Variants in PTPN14 observed in about 807,000 individuals in gnomAD.
PTPN14 encodes protein tyrosine phosphatase non-receptor type 14, also known as tyrosine-protein phosphatase non-receptor type 14.
In PTPN14, 53 loss-of-function variants were observed where a neutral mutation model predicts 126.8. That is an observed-to-expected ratio of 0.42 (90% confidence interval 0.34 to 0.53). PTPN14 has a LOEUF of 0.53. PTPN14 is among the 20% of genes least tolerant of loss of function. The pLI is 0.08. For synonymous variants in PTPN14, 630 were observed against 599.3 expected (o/e 1.05, Z -0.75); for missense variants, 1,257 against 1,552.9 (o/e 0.81, Z 3.20).
intron 1 of PTPN14, among the ~76,000 whole-genome samples, chr1:214,506,756 C>A (rs962187699): frequency 6.6e-6 from 1 of 151,998 alleles, no homozygotes; most frequent in East Asian, 1.9e-4. Context: ...ACAAAACAGC[C>A]CCTGTGAGGG....
chr1:214,512,943 C>T (rs1054461627), intron 1 of PTPN14, among the ~76,000 whole-genome samples: 7 of 152,124 alleles, frequency 4.6e-5, no homozygotes, highest in African/African-American at 1.7e-4. Flanking sequence ...CTGCCCGCCT[C>T]AGCCTCCCAA....
intron 1 of PTPN14, among the ~76,000 whole-genome samples, chr1:214,524,464 C>CA (rs965193234): frequency 6.6e-6 from 1 of 151,330 alleles, no homozygotes; most frequent in Non-Finnish European, 1.5e-5. Flanking sequence ...CCAGCCTGGG[C>CA]AAAAAAACAA....
intron 1 of PTPN14, chr1:214,532,332 T>C: frequency 1.8e-6 from 1 of 540,864 alleles, no homozygotes; most frequent in South Asian, 1.8e-5. Flanking sequence ...CGTGTCCTGC[T>C]ACACCAGCTT....
intron 3 of PTPN14, among the ~76,000 whole-genome samples, chr1:214,420,985 GAA>G (rs1449284266): frequency 6.6e-6 from 1 of 152,198 alleles, no homozygotes; most frequent in Non-Finnish European, 1.5e-5. Context: ...AATGACTTGG[GAA>G]AGTTTTTCAG....
chr1:214,540,455 G>A (rs953972773), intron 1 of PTPN14, among the ~76,000 whole-genome samples: 16 of 152,036 alleles, frequency 1.1e-4, no homozygotes, highest in East Asian at 3.8e-4. Flanking sequence ...AACCTAATAC[G>A]GCATAATCCT....
At chr1:214,392,331 G>T (rs757637137) in intron 10 of PTPN14, among the ~76,000 whole-genome samples, 3 of 152,094 alleles carry the variant, frequency 2.0e-5, no homozygotes, top group Non-Finnish European at 2.9e-5. Context: ...TTGAGAAACA[G>T]AATTTCTTCT....
rs887868401 is a variant in PTPN14 at position 214,353,905 on chromosome 1, G to T, written c.*4017C>A. ...CAGGGGGAAGATATAGGTGATCCAT[G>T]CGAGTACTGTCTATTTGCAGAAAAT... On this transcript the variant is annotated 3_prime_UTR_variant, in exon 19 of 19. Transcript: ENST00000366956. 2.0e-5 allele frequency: 3 copies of T among 152,258 alleles called. No homozygotes were observed. Among genetic ancestry groups the T allele is most frequent in the African/African-American group, 7.2e-5 (3 of 41,462 alleles). 9.4% of individuals were successfully genotyped at this position (152,258 alleles called of 1,614,324 possible).
At chr1:214,515,257 G>A (rs1655070672) in intron 1 of PTPN14, among the ~76,000 whole-genome samples, 2 of 151,756 alleles carry the variant, frequency 1.3e-5, no homozygotes, top group South Asian at 2.1e-4. Flanking sequence ...TCAGCATTTG[G>A]GAGAAAAAAT....
intron 14 of PTPN14, among the ~76,000 whole-genome samples, chr1:214,377,402 G>A (rs60187136): frequency 0.046 from 7,053 of 152,166 alleles, 359 homozygotes; most frequent in African/African-American, 0.13. Context: ...AGGGAGAGGA[G>A]CAGAGAGGAT....
Position 214,423,801 on chromosome 1 carries a change from T to G in PTPN14, c.345-9075A>C, listed in dbSNP as rs373222685. On this transcript the variant is annotated intron_variant, in intron 3 of 18. Coordinates refer to ENST00000366956, the MANE Select transcript of PTPN14 (RefSeq NM_005401.5). ...TTCAAGACCAGCTTGGCCAACATGG[T>G]GAAACCACGTCTCTACTAAAAATAC... Among the ~76,000 whole-genome samples, 127 of 151,656 alleles carry G rather than the reference T, an allele frequency of 8.4e-4. 3 individuals are homozygous for G. In the South Asian group the frequency reaches 0.025, roughly 30 times the overall value.
In PTPN14 at chr1:214,376,532, A is replaced by C. The variant is rs1045184804; in HGVS notation, c.2689-95T>G. On this transcript the variant is annotated intron_variant, in intron 14 of 18. Transcript: ENST00000366956. ...CTTTAAATATTTAGCGATTGTGTTA[A>C]AAGAGATTTCAAGTTCTACAATCAA... is the stretch of plus-strand genomic sequence containing the variant. 2.8e-6 allele frequency: 3 copies of C among 1,074,784 alleles called. No homozygotes were observed. The East Asian group carries it at 7.1e-5, about 26-fold the overall frequency. 66.6% of individuals were successfully genotyped at this position (1,074,784 alleles called of 1,614,324 possible).
At chr1:214,530,746 T>C (rs1655524209) in intron 1 of PTPN14, 1 of 152,254 alleles carries the variant, frequency 6.6e-6, no homozygotes, top group South Asian at 2.1e-4. Flanking sequence ...TCAAAACTAT[T>C]AGCAGTTTAC....
rs994912731 is a variant in PTPN14, at chr1:214,355,894, GAAAA to G, written c.*2024_*2027del. 6.7e-6 allele frequency: 1 copy of G among 148,486 alleles called. No individual in the cohort carries two copies. Among genetic ancestry groups the G allele is most frequent in the African/African-American group, 2.5e-5 (1 of 40,384 alleles). The allele number at this position is 148,486 out of a possible 1,614,324, so 9.2% of individuals were successfully genotyped here. A position where few individuals can be genotyped will look rare whatever the true frequency, so the allele number is the denominator to read the frequency against. The stretch of plus-strand genomic sequence containing the variant: ...GAACTCTCACAGCAGTCAATTCTAA[GAAAA>G]AAAACTGCAATTAAATTTTCCTTTC... On this transcript the variant is annotated 3_prime_UTR_variant, in exon 19 of 19. Coordinates refer to ENST00000366956, the MANE Select transcript of PTPN14 (RefSeq NM_005401.5).
At chr1:214,359,798 G>C (rs950916112) in intron 18 of PTPN14, among the ~76,000 whole-genome samples, 6 of 152,054 alleles carry the variant, frequency 3.9e-5, no homozygotes, top group African/African-American at 1.4e-4. Context: ...TAGCATTATG[G>C]GCATGAGCCA....
intron 3 of PTPN14, among the ~76,000 whole-genome samples, chr1:214,436,388 A>G (rs1243043037): frequency 6.9e-6 from 1 of 145,432 alleles, no homozygotes; most frequent in Admixed American, 7.3e-5. Context: ...ATACCCCTGT[A>G]TCTAAAATAA....
At chr1:214,397,612 G>T (rs1443618023) in intron 8 of PTPN14, among the ~76,000 whole-genome samples, 2 of 152,188 alleles carry the variant, frequency 1.3e-5, no homozygotes, top group Non-Finnish European at 2.9e-5. Context: ...GGAAAGAAGT[G>T]TTTAGAGTTA....
chr1:214,532,283 A>G, intron 1 of PTPN14: 1 of 465,946 alleles, frequency 2.1e-6, no homozygotes, highest in South Asian at 2.0e-5. Flanking sequence ...GCGTGGCCAG[A>G]GCCTATGCAC....
intron 1 of PTPN14, among the ~76,000 whole-genome samples, chr1:214,537,596 C>T (rs762652917): frequency 2.0e-5 from 3 of 152,174 alleles, no homozygotes; most frequent in Non-Finnish European, 2.9e-5. Flanking sequence ...CACTTGCACA[C>T]GGTAAGTACT....
chr1:214,397,226 C>T (rs890986642), intron 8 of PTPN14, among the ~76,000 whole-genome samples: 2 of 152,138 alleles, frequency 1.3e-5, no homozygotes, highest in African/African-American at 2.4e-5. Flanking sequence ...TGATAGTGTG[C>T]CCTGGATACA....
Sources: gnomAD v4.1 joint callset for allele counts (sites outside exome capture counted in the v4.1 genomes callset) on GRCh38, gnomAD v4.1.1 for gene constraint, MANE v1.5 for transcripts, NCBI Gene and HGNC (gene_info 2026-07-23, HGNC 2026-07-21) for gene names.